The following DNAH7 variants were observed in gnomAD, a reference collection of about 807,000 sequenced individuals.
DNAH7 encodes axonemal beta dynein heavy chain 7.
In DNAH7, 397 loss-of-function variants were observed where a neutral mutation model predicts 444.6. The observed-to-expected ratio is 0.89, with a 90% CI of 0.82 to 0.97. The LOEUF (loss-of-function observed/expected upper bound fraction) is 0.97. Among genes scored for constraint, DNAH7 ranks in the 50% least tolerant of loss-of-function variants. DNAH7 has a pLI of 0.00. For synonymous variants in DNAH7, 1,636 were observed against 1,624.4 expected (o/e 1.01, Z -0.17); for missense variants, 4,902 against 4,800.8 (o/e 1.02, Z -0.62).
chr2:195,916,899 A>G (rs558768413), intron 24 of DNAH7, among the ~76,000 whole-genome samples: 25 of 151,866 alleles, frequency 1.6e-4, no homozygotes, highest in African/African-American at 5.8e-4. Flanking sequence ...GGAGATCGAG[A>G]CCATCCTAGC....
At chr2:195,932,511 C>T (rs1399617224) in intron 21 of DNAH7, among the ~76,000 whole-genome samples, 1 of 152,026 alleles carries the variant, frequency 6.6e-6, no homozygotes, top group African/African-American at 2.4e-5. Context: ...AAAGGGAATG[C>T]TTCTAGTTTT....
intron 38 of DNAH7, 113 bp from the exon 39 acceptor site, chr2:195,873,807 GAAGTT>G (rs1345058529): frequency 1.4e-6 from 1 of 699,226 alleles, no homozygotes; most frequent in Admixed American, 3.8e-5. Context: ...CACGGCACAT[GAAGTT>G]AAGAGTAATC....
chr2:195,928,061 C>A (rs1236279934), intron 21 of DNAH7, among the ~76,000 whole-genome samples: 2 of 152,070 alleles, frequency 1.3e-5, no homozygotes, highest in East Asian at 1.9e-4. Flanking sequence ...TTTTTAAACT[C>A]ATGCTCCCCT....
In DNAH7 at chr2:195,858,642, C is replaced by T. The variant is rs773568989; in HGVS notation, c.7899G>A (p.Glu2633=). The change falls in exon 43 of 65, where the codon GAG becomes GAA. Residue 2633 remains glutamate, a synonymous_variant. Coordinates refer to ENST00000312428, the MANE Select transcript of DNAH7 (RefSeq NM_018897.3). Reference sequence around the variant, plus strand: ...TTTCAGTTTTGGCAACTTCTACAGACTCTTTCTCAATCATTATCATCATTT... The same window carrying T: ...TTTCAGTTTTGGCAACTTCTACAGATTCTTTCTCAATCATTATCATCATTT... ...VDEMMIMIEK[E]SVEVAKTEKI... 3.7e-6 allele frequency: 6 copies of T among 1,614,054 alleles called. No individual in the cohort carries two copies. In the East Asian group the frequency reaches 1.1e-4, roughly 30 times the overall value.
chr2:195,836,600 A>G (rs781682070), intron 47 of DNAH7, among the ~76,000 whole-genome samples: 134 of 152,320 alleles, frequency 8.8e-4, no homozygotes, highest in Non-Finnish European at 1.6e-3. Flanking sequence ...CTATGACATT[A>G]ATTATGTAAG....
intron 19 of DNAH7, among the ~76,000 whole-genome samples, chr2:195,942,353 G>C (rs1687509243): frequency 6.6e-6 from 1 of 151,576 alleles, no homozygotes; most frequent in Non-Finnish European, 1.5e-5. Flanking sequence ...AAGAAGGAAG[G>C]GTGGGGAGGA....
rs1291812599 is a variant in DNAH7 at position 195,826,611 on chromosome 2, G to GT, written c.9101-2167dup. 7.2e-5 allele frequency among the ~76,000 whole-genome samples: 11 copies of GT among 152,220 alleles called. No individual in the cohort carries two copies. The South Asian group carries it at 2.3e-3, about 32-fold the overall frequency. On this transcript the variant is annotated intron_variant, in intron 48 of 64. Transcript: ENST00000312428. The stretch of plus-strand genomic sequence containing the variant: ...TTAAAATTTATATTTTTGGCAGGGT[G>GT]TTTTTAGCTGTTCTTTGGTTAACTA...
chr2:196,022,207 G>A (rs1695426315), intron 8 of DNAH7, among the ~76,000 whole-genome samples: 1 of 152,188 alleles, frequency 6.6e-6, no homozygotes, highest in African/African-American at 2.4e-5. Context: ...CCTTTTGCGA[G>A]TCATAATCTT....
In DNAH7 at chr2:196,054,876, C is replaced by T. The variant is rs1264720982; in HGVS notation, c.78+3178G>A. On this transcript the variant is annotated intron_variant, in intron 2 of 64. Coordinates refer to ENST00000312428, the MANE Select transcript of DNAH7 (RefSeq NM_018897.3). ...TGCCACCATGTGAAGAAGAAAGTTG[C>T]TTCCCTTTCCACGATGTTTGTAAGT... is the stretch of plus-strand genomic sequence containing the variant. 2.0e-5 allele frequency among the ~76,000 whole-genome samples: 3 copies of T among 152,196 alleles called. No homozygotes were observed. The East Asian group carries it at 5.8e-4, about 29-fold the overall frequency.
At chr2:195,764,874 G>GAA (rs58120504) in intron 61 of DNAH7, among the ~76,000 whole-genome samples, 35 of 141,278 alleles carry the variant, frequency 2.5e-4, no homozygotes, top group Middle Eastern at 3.6e-3. Flanking sequence ...TATAGAAATA[G>GAA]AAAAAAAAAA....
rs533406679 is a variant in DNAH7, at chr2:195,742,075, T to C, written c.11765-1206A>G. Among the ~76,000 whole-genome samples, 26 of 152,320 alleles carry C rather than the reference T, an allele frequency of 1.7e-4. 1 individual carries two copies. The East Asian group carries it at 5.0e-3, about 29-fold the overall frequency. The stretch of plus-strand genomic sequence containing the variant: ...TCAGTTTTATTAATTGACAAAGCAC[T>C]TGTCCAATAACTGCCAGTGTATAAC... On this transcript the variant is annotated intron_variant, in intron 63 of 64. Coordinates refer to ENST00000312428, the MANE Select transcript of DNAH7 (RefSeq NM_018897.3).
At chr2:195,823,091 C>A (rs1697549613) in intron 49 of DNAH7, among the ~76,000 whole-genome samples, 1 of 152,180 alleles carries the variant, frequency 6.6e-6, no homozygotes, top group Non-Finnish European at 1.5e-5. Context: ...AGTAGCACCC[C>A]AATCTATGGC....
At chr2:195,845,235 CA>C in intron 46 of DNAH7, 70 bp from the exon 47 acceptor site, 1 of 1,296,256 alleles carries the variant, frequency 7.7e-7, no homozygotes, top group Non-Finnish European at 1.1e-6. Context: ...TATAATTCCT[CA>C]ATTTATACTG....
At chr2:195,982,679 T>C (rs1412087331) in intron 15 of DNAH7, among the ~76,000 whole-genome samples, 3 of 152,174 alleles carry the variant, frequency 2.0e-5, no homozygotes, top group Admixed American at 6.5e-5. Flanking sequence ...AGCAATAACA[T>C]GGATGGAACT....
At chr2:195,861,624 A>G in intron 42 of DNAH7, 93 bp downstream of exon 42, 1 of 843,036 alleles carries the variant, frequency 1.2e-6, no homozygotes, top group South Asian at 1.8e-5. Flanking sequence ...TATTTCTACG[A>G]AATAAATCTC....
At chr2:195,740,615 GTATATA>G (rs1238331047) in intron 64 of DNAH7, 145 bp downstream of exon 64, 860 of 71,308 alleles carry the variant, frequency 0.012, 8 homozygotes, top group Middle Eastern at 0.047. Context: ...GTGTGTGTGT[GTATATA>G]TATATATATA....
Position 195,891,702 on chromosome 2 carries a change from AC to A in DNAH7, c.4998del (p.Trp1666CysfsTer17). On this transcript the variant is annotated frameshift_variant, in exon 31 of 65. Transcript: ENST00000312428. LOFTEE classifies it high-confidence loss of function. ...YGQFDSVSHE[W>X]SDGVLAVSFR... ...AAACTGACAGCAAGGACCCCATCAG[AC>A]CATTCATGGGACACTGAATCAAACT... The A allele has an allele frequency of 6.2e-7, 1 of 1,605,152 alleles. No homozygotes were observed. Among genetic ancestry groups the A allele is most frequent in the South Asian group, 1.1e-5 (1 of 88,354 alleles).
intron 8 of DNAH7, among the ~76,000 whole-genome samples, chr2:196,020,859 T>C (rs1465650849): frequency 6.6e-6 from 1 of 152,136 alleles, no homozygotes; most frequent in East Asian, 1.9e-4. Flanking sequence ...TGATCTGCTC[T>C]TCTCAGCCTC....
chr2:196,044,316 T>C (rs1275261312), intron 5 of DNAH7, among the ~76,000 whole-genome samples: 1 of 151,902 alleles, frequency 6.6e-6, no homozygotes, highest in Non-Finnish European at 1.5e-5. Context: ...TTGGTGACCA[T>C]TATTCTAAGT....
Sources: gnomAD v4.1 joint callset for allele counts (sites outside exome capture counted in the v4.1 genomes callset) on GRCh38, gnomAD v4.1.1 for gene constraint, MANE v1.5 for transcripts, NCBI Gene and HGNC (gene_info 2026-07-23, HGNC 2026-07-21) for gene names.